BRF1: variants seen among roughly 807,000 people sequenced by gnomAD.
The protein encoded by BRF1 is BRF1 general transcription factor IIIB subunit, also known as transcription factor IIIB 90 kDa subunit.
BRF1 carries 59 observed loss-of-function variants against 81.7 expected under a neutral mutation model. The ratio of observed to expected loss-of-function variants is 0.72; its 90% CI spans 0.59 to 0.90. The LOEUF is 0.90. BRF1 is among the 40% of genes least tolerant of loss of function. The pLI is 0.00. For synonymous variants in BRF1, 491 were observed against 395.6 expected (o/e 1.24, Z -2.86); for missense variants, 1,050 against 936.3 (o/e 1.12, Z -1.58).
chr14:105,211,058 T>A (rs1890035743), intron 17 of BRF1, 64 bp downstream of exon 17: 7 of 1,582,760 alleles, frequency 4.4e-6, no homozygotes, highest in Non-Finnish European at 6.0e-6. Context: ...TCAGGGATCA[T>A]GAGGGGCAGT....
At chr14:105,290,185 C>G (rs2057464292) in intron 1 of BRF1, among the ~76,000 whole-genome samples, 1 of 152,194 alleles carries the variant, frequency 6.6e-6, no homozygotes, top group Admixed American at 6.5e-5. Flanking sequence ...TTTGGGAGGC[C>G]GATGCGGTTG....
At chr14:105,225,806 C>T (rs1427877517) in intron 10 of BRF1, among the ~76,000 whole-genome samples, 3 of 152,208 alleles carry the variant, frequency 2.0e-5, no homozygotes, top group Non-Finnish European at 2.9e-5. Context: ...CACCACCACG[C>T]CCAGCTAATT....
chr14:105,251,955 A>G (rs1380134374), intron 5 of BRF1, among the ~76,000 whole-genome samples: 1 of 152,114 alleles, frequency 6.6e-6, no homozygotes, highest in Non-Finnish European at 1.5e-5. Flanking sequence ...AAACTCGCAC[A>G]CAACACAGAA....
At chr14:105,229,000 G>C in intron 6 of BRF1, 87 bp from the exon 7 acceptor site, 2 of 1,223,224 alleles carry the variant, frequency 1.6e-6, no homozygotes, top group Non-Finnish European at 2.4e-6. Flanking sequence ...TGCGGATCCC[G>C]GTCACGGAGA....
chr14:105,245,702 G>A (rs587737550), intron 5 of BRF1, among the ~76,000 whole-genome samples: 130 of 152,210 alleles, frequency 8.5e-4, no homozygotes, highest in South Asian at 4.1e-4. Flanking sequence ...AATATGCAGC[G>A]CTGGGAAAAC....
At chr14:105,260,725 G>A (rs2056109940) in intron 3 of BRF1, among the ~76,000 whole-genome samples, 1 of 152,194 alleles carries the variant, frequency 6.6e-6, no homozygotes, top group South Asian at 2.1e-4. Context: ...TTTTTAAAAG[G>A]AGCTTCAAAT....
At chr14:105,220,032 A>G (rs777310809) in intron 12 of BRF1, 37 bp downstream of exon 12, 2 of 1,607,966 alleles carry the variant, frequency 1.2e-6, no homozygotes, top group Non-Finnish European at 8.5e-7. Flanking sequence ...CGCCCTCCCA[A>G]GCCCAGCCCC....
chr14:105,226,948 A>C (rs904103445), intron 7 of BRF1, 188 bp from the exon 8 acceptor site: 24 of 165,908 alleles, frequency 1.4e-4, no homozygotes, highest in Non-Finnish European at 2.6e-4. Context: ...GTCTCTACCC[A>C]AAAAAAAAAA....
At chr14:105,292,763 C>T (rs1182698324) in intron 1 of BRF1, among the ~76,000 whole-genome samples, 2 of 151,900 alleles carry the variant, frequency 1.3e-5, no homozygotes, top group Non-Finnish European at 2.9e-5. Flanking sequence ...GCCCACACCC[C>T]TTCCCAGGCG....
At chr14:105,272,574 G>C (rs2056704418) in intron 3 of BRF1, 147 bp downstream of exon 3, 3 of 1,093,322 alleles carry the variant, frequency 2.7e-6, no homozygotes, top group Non-Finnish European at 3.8e-6. Flanking sequence ...AGAAAGCCCT[G>C]GATCAACTGA....
chr14:105,265,062 T>TC (rs1469063030), intron 3 of BRF1, among the ~76,000 whole-genome samples: 1 of 143,028 alleles, frequency 7.0e-6, no homozygotes, highest in South Asian at 2.2e-4. Context: ...TTGTTTTTTT[T>TC]TTGTTTGTTT....
intron 1 of BRF1, among the ~76,000 whole-genome samples, chr14:105,287,418 C>A (rs903174584): frequency 6.6e-6 from 1 of 152,202 alleles, no homozygotes; most frequent in African/African-American, 2.4e-5. Flanking sequence ...AAGTGCCCCC[C>A]GCCCCGCAGC....
chr14:105,302,162 A>G (rs72711567), upstream of BRF1, among the ~76,000 whole-genome samples: 4,854 of 149,600 alleles, frequency 0.032, 143 homozygotes, highest in African/African-American at 0.074. Flanking sequence ...AAAAAAAGAG[A>G]AAAAAGGAAA....
At chr14:105,287,579 T>C (rs917813728) in intron 1 of BRF1, among the ~76,000 whole-genome samples, 2 of 151,902 alleles carry the variant, frequency 1.3e-5, no homozygotes, top group African/African-American at 2.4e-5. Context: ...ACTGGAAGGA[T>C]AGGATGCAGA....
chr14:105,295,627 T>G (rs1283424533), intron 1 of BRF1, among the ~76,000 whole-genome samples: 2 of 151,222 alleles, frequency 1.3e-5, no homozygotes, highest in East Asian at 2.0e-4. Flanking sequence ...AAAAAAAAAT[T>G]TTTTTAATTA....
In BRF1 at chr14:105,263,669, T is replaced by C. The variant is rs587708363; in HGVS notation, c.440-7120A>G. On this transcript the variant is annotated intron_variant, in intron 3 of 17. Coordinates refer to ENST00000547530, the MANE Select transcript of BRF1 (RefSeq NM_001519.4). The stretch of plus-strand genomic sequence containing the variant: ...GGCCGGGCGCGATGGCTCACGCCTG[T>C]AATCCCAACACTTTGGAAGGGTGAG... 1.6e-4 allele frequency among the ~76,000 whole-genome samples: 25 copies of C among 152,254 alleles called. No homozygotes were observed. The South Asian group carries it at 5.2e-3, about 32-fold the overall frequency.
At position 105,210,451 on chromosome 14, in the gene BRF1, C is replaced by T. The variant is rs587610579; in HGVS notation, c.*100G>A. ...AGGTGCCACCTGTCACCAGGAGTCT[C>T]GGCGCTGGGGCCTGCCTGCTGCGGT... On this transcript the variant is annotated 3_prime_UTR_variant, in exon 18 of 18. Coordinates refer to ENST00000547530, the MANE Select transcript of BRF1 (RefSeq NM_001519.4). The surrounding 1 kb of genome is among the most constrained non-coding windows in gnomAD (Gnocchi z 4.7). 22 of 1,382,540 alleles carry T rather than the reference C, an allele frequency of 1.6e-5. No individual in the cohort carries two copies. Among genetic ancestry groups the T allele is most frequent in the East Asian group, 1.2e-4 (5 of 41,044 alleles). The allele number at this position is 1,382,540 out of a possible 1,614,324, so 85.6% of individuals were successfully genotyped here. A position where few individuals can be genotyped will look rare whatever the true frequency, so the allele number is the denominator to read the frequency against.
In BRF1 at chr14:105,282,514, G is replaced by A. The variant is rs188734754; in HGVS notation, c.265+3782C>T. Among the ~76,000 whole-genome samples, 77 of 152,326 alleles carry A rather than the reference G, an allele frequency of 5.1e-4. No individual in the cohort carries two copies. In the East Asian group the frequency reaches 0.014, roughly 27 times the overall value. ...GGAGGCCGTGGGCCAAGCTTGCAGC[G>A]GGACCAGGGCTGATATGAAAACTTC... On this transcript the variant is annotated intron_variant, in intron 2 of 17. Coordinates refer to ENST00000547530, the MANE Select transcript of BRF1 (RefSeq NM_001519.4).
At chr14:105,249,727 G>T in intron 5 of BRF1, 1 of 1,613,920 alleles carries the variant, frequency 6.2e-7, no homozygotes, top group South Asian at 1.1e-5. Context: ...TCCCAGCATT[G>T]GCAAAAGCCT....
Sources: gnomAD v4.1 joint callset for allele counts (sites outside exome capture counted in the v4.1 genomes callset) on GRCh38, gnomAD v4.1.1 for gene constraint, Gnocchi (gnomAD v3.1) non-coding constraint, MANE v1.5 for transcripts, NCBI Gene and HGNC (gene_info 2026-07-23, HGNC 2026-07-21) for gene names.